PPP1R9A: variants seen among roughly 807,000 people sequenced by gnomAD.
The protein encoded by PPP1R9A is protein phosphatase 1 regulatory subunit 9A, also known as neurabin-1.
Under a neutral mutation model 141.9 loss-of-function variants are expected in PPP1R9A, and 59 were observed. The ratio of observed to expected loss-of-function variants is 0.42; its 90% CI spans 0.34 to 0.52. The LOEUF (loss-of-function observed/expected upper bound fraction) is 0.52, where lower values mean the gene tolerates loss of function less well. Among genes scored for constraint, PPP1R9A ranks in the 20% least tolerant of loss-of-function variants. The pLI is 0.10. For missense variants in PPP1R9A, 1,444 were observed against 1,611.9 expected (o/e 0.90, Z 1.78); for synonymous variants, 500 against 569.7 (o/e 0.88, Z 1.74).
intron 2 of PPP1R9A, among the ~76,000 whole-genome samples, chr7:94,959,647 G>A (rs1017487879): frequency 7.3e-5 from 11 of 151,568 alleles, no homozygotes; most frequent in Non-Finnish European, 1.2e-4. Flanking sequence ...TCAATACTAT[G>A]TTTAGTGCTA....
Position 95,287,073 on chromosome 7 carries a change from C to T in PPP1R9A, c.3729+748C>T, listed in dbSNP as rs747383015. On this transcript the variant is annotated intron_variant, in intron 18 of 19. Transcript: ENST00000433360. ...TGTTGTGTCTCCTGTTTCTGTAACA[C>T]TTTTCTTCTTGATTCTTTTATTGCT... is the stretch of plus-strand genomic sequence containing the variant. 1.4e-5 allele frequency: 23 copies of T among 1,592,858 alleles called. No individual in the cohort carries two copies. In the South Asian group the frequency reaches 2.4e-4, roughly 17 times the overall value.
At chr7:94,967,226 G>A (rs1298721553) in intron 2 of PPP1R9A, among the ~76,000 whole-genome samples, 1 of 151,744 alleles carries the variant, frequency 6.6e-6, no homozygotes, top group Non-Finnish European at 1.5e-5. Flanking sequence ...TATTAGTCTG[G>A]CTAGTGGTCT....
intron 2 of PPP1R9A, among the ~76,000 whole-genome samples, chr7:94,964,794 T>C (rs752236483): frequency 6.4e-4 from 97 of 152,342 alleles, no homozygotes; most frequent in Middle Eastern, 3.4e-3. Flanking sequence ...GTAATAAACA[T>C]ACGTGTGCAT....
At chr7:95,090,894 A>G (rs1047390909) in intron 2 of PPP1R9A, among the ~76,000 whole-genome samples, 3 of 152,052 alleles carry the variant, frequency 2.0e-5, no homozygotes, top group African/African-American at 7.3e-5. Flanking sequence ...GGGATCATGT[A>G]TGTACATACT....
At chr7:95,004,156 A>G (rs1222541672) in intron 2 of PPP1R9A, among the ~76,000 whole-genome samples, 1 of 152,020 alleles carries the variant, frequency 6.6e-6, no homozygotes, top group African/African-American at 2.4e-5. Context: ...TTAGGAAAAA[A>G]ATTATTGTGC....
intron 8 of PPP1R9A, among the ~76,000 whole-genome samples, chr7:95,239,772 T>C (rs1797188569): frequency 1.3e-5 from 2 of 150,386 alleles, no homozygotes; most frequent in African/African-American, 4.9e-5. Context: ...AAAATAAAAA[T>C]TAAAATATTA....
At chr7:95,110,087 A>G (rs1295266857) in intron 2 of PPP1R9A, among the ~76,000 whole-genome samples, 3 of 152,150 alleles carry the variant, frequency 2.0e-5, no homozygotes, top group East Asian at 1.9e-4. Flanking sequence ...TACAAATCCT[A>G]CAAATGATAC....
chr7:95,276,160 C>T (rs1803152114), intron 16 of PPP1R9A, among the ~76,000 whole-genome samples: 1 of 152,134 alleles, frequency 6.6e-6, no homozygotes, highest in Non-Finnish European at 1.5e-5. Flanking sequence ...TGACACTGTC[C>T]TTCCTTTGGT....
chr7:94,925,700 C>T lies in PPP1R9A; in HGVS notation c.1395+14192C>T, dbSNP rs77390031. On this transcript the variant is annotated intron_variant, in intron 2 of 19. Coordinates refer to ENST00000433360, the MANE Select transcript of PPP1R9A (RefSeq NM_001166160.2). The stretch of plus-strand genomic sequence containing the variant: ...GGTTGTGTCTCTAGGATTGTCACAC[C>T]GCTTGGCACATTGTAGGTACACAGT... 6.0e-3 allele frequency among the ~76,000 whole-genome samples: 920 copies of T among 152,180 alleles called. 5 individuals carry two copies. The highest frequency in any genetic ancestry group is 9.9e-3 in the Non-Finnish European group (670 of 68,012).
chr7:95,011,766 A>C (rs1317537464), intron 2 of PPP1R9A, among the ~76,000 whole-genome samples: 1 of 152,184 alleles, frequency 6.6e-6, no homozygotes, highest in Admixed American at 6.6e-5. Context: ...CTTATGAATG[A>C]CTTAGATGAA....
intron 2 of PPP1R9A, among the ~76,000 whole-genome samples, chr7:95,105,348 G>A (rs940499377): frequency 2.6e-5 from 4 of 152,090 alleles, no homozygotes; most frequent in African/African-American, 9.7e-5. Context: ...TGGGTTGTTC[G>A]TTCAGAAATG....
intron 2 of PPP1R9A, among the ~76,000 whole-genome samples, chr7:95,015,949 A>T (rs1278486237): frequency 6.6e-6 from 1 of 152,082 alleles, no homozygotes; most frequent in Non-Finnish European, 1.5e-5. Flanking sequence ...GCTACTCAGG[A>T]GACTGAGGCA....
intron 8 of PPP1R9A, among the ~76,000 whole-genome samples, chr7:95,227,705 G>C (rs1795340876): frequency 6.6e-6 from 1 of 152,056 alleles, no homozygotes; most frequent in African/African-American, 2.4e-5. Context: ...TACTGACCCT[G>C]GTGTAGACTG....
chr7:95,074,469 T>G (rs965527092), intron 2 of PPP1R9A, among the ~76,000 whole-genome samples: 22 of 112,560 alleles, frequency 2.0e-4, no homozygotes, highest in African/African-American at 7.4e-4. Context: ...TTTTTTGTTT[T>G]TTTTTTTTTT....
At chr7:95,073,325 G>T (rs1375645126) in intron 2 of PPP1R9A, among the ~76,000 whole-genome samples, 2 of 151,890 alleles carry the variant, frequency 1.3e-5, no homozygotes, top group African/African-American at 4.8e-5. Flanking sequence ...AATTTATATT[G>T]TTTTAATTAT....
At chr7:95,249,811 A>G (rs1585456715) in intron 9 of PPP1R9A, among the ~76,000 whole-genome samples, 1 of 152,186 alleles carries the variant, frequency 6.6e-6, no homozygotes, top group Non-Finnish European at 1.5e-5. Flanking sequence ...TTTATCACTT[A>G]TCAAATGTGT....
At chr7:95,204,890 C>T (rs1429487010) in intron 7 of PPP1R9A, among the ~76,000 whole-genome samples, 1 of 149,050 alleles carries the variant, frequency 6.7e-6, no homozygotes. Flanking sequence ...ACACCACACA[C>T]ACCACAAATA....
intron 8 of PPP1R9A, among the ~76,000 whole-genome samples, chr7:95,235,869 T>C (rs1796610177): frequency 6.6e-6 from 1 of 152,236 alleles, no homozygotes. Context: ...TTGGAGACTA[T>C]TATTCTAAGT....
At chr7:95,002,973 A>G (rs921292480) in intron 2 of PPP1R9A, among the ~76,000 whole-genome samples, 4 of 152,182 alleles carry the variant, frequency 2.6e-5, no homozygotes, top group African/African-American at 7.2e-5. Flanking sequence ...TCTGATCCTG[A>G]GTCCTGCTGG....
Sources: gnomAD v4.1 joint callset for allele counts (sites outside exome capture counted in the v4.1 genomes callset) on GRCh38, gnomAD v4.1.1 for gene constraint, MANE v1.5 for transcripts, NCBI Gene and HGNC (gene_info 2026-07-23, HGNC 2026-07-21) for gene names.